TIAM2: variants seen among roughly 807,000 people sequenced by gnomAD.
TIAM2 encodes the protein TIAM Rac1 associated GEF 2.
Under a neutral mutation model 152.9 loss-of-function variants are expected in TIAM2, and 80 were observed. The observed-to-expected ratio is 0.52, with a 90% CI of 0.44 to 0.63. The LOEUF (loss-of-function observed/expected upper bound fraction) is 0.63. TIAM2 is among the 30% of genes least tolerant of loss of function. TIAM2 has a pLI of 0.00. For missense variants in TIAM2, 1,965 were observed against 2,120.1 expected (o/e 0.93, Z 1.44); for synonymous variants, 804 against 838.0 (o/e 0.96, Z 0.70).
At chr6:155,097,898 T>C (rs118036110) in intron 2 of TIAM2, among the ~76,000 whole-genome samples, 1,764 of 152,326 alleles carry the variant, frequency 0.012, 18 homozygotes, top group Middle Eastern at 0.058. Context: ...CCCAGCACCA[T>C]TTATTGAAGA....
chr6:155,088,355 A>G (rs2114976246), intron 1 of TIAM2, among the ~76,000 whole-genome samples: 1 of 152,300 alleles, frequency 6.6e-6, no homozygotes, highest in African/African-American at 2.4e-5. Flanking sequence ...TGCTGGGATT[A>G]CAGGCGTGAG....
chr6:155,121,470 G>A lies in TIAM2; in HGVS notation c.-117-6020G>A, dbSNP rs55827757. Among the ~76,000 whole-genome samples the A allele has an allele frequency of 2.4e-3, 368 of 152,304 alleles. 1 individual carries two copies. Among genetic ancestry groups the A allele is most frequent in the Admixed American group, 7.0e-3 (107 of 15,300 alleles). ...AAAAGAAATTCAGAAAGCTTGAGCA[G>A]TTTGCCCAAAGTCTCACATGCTGTT... On this transcript the variant is annotated intron_variant, in intron 2 of 26. Transcript: ENST00000682666.
At chr6:155,197,758 C>A (rs1415768739) in intron 14 of TIAM2, among the ~76,000 whole-genome samples, 1 of 152,084 alleles carries the variant, frequency 6.6e-6, no homozygotes, top group African/African-American at 2.4e-5. Context: ...GTGAAACCAT[C>A]AGATCTCGTT....
At chr6:155,164,287 G>T in intron 7 of TIAM2, 128 bp from the exon 8 acceptor site, 1 of 803,416 alleles carries the variant, frequency 1.2e-6, no homozygotes, top group East Asian at 2.7e-5. Context: ...AGCAGGAAAG[G>T]CTAATTTAAA....
At chr6:155,216,921 C>T (rs912390333) in intron 15 of TIAM2, 2 of 1,195,740 alleles carry the variant, frequency 1.7e-6, no homozygotes, top group African/African-American at 1.6e-5. Flanking sequence ...GGCGCTAGGA[C>T]GTCCTTGTGA....
intron 1 of TIAM2, among the ~76,000 whole-genome samples, chr6:155,066,318 C>T (rs113010956): frequency 0.012 from 1,764 of 152,288 alleles, 42 homozygotes; most frequent in African/African-American, 0.041. Context: ...TCATCTCTGT[C>T]AGGCTCTTGT....
chr6:155,023,991 C>T (rs1776548259), intron 1 of TIAM2, among the ~76,000 whole-genome samples: 1 of 152,118 alleles, frequency 6.6e-6, no homozygotes, highest in African/African-American at 2.4e-5. Context: ...CCAGACACTT[C>T]ATCAACATCC....
chr6:155,242,788 T>G, intron 16 of TIAM2, among the ~76,000 whole-genome samples: 1 of 152,128 alleles, frequency 6.6e-6, no homozygotes, highest in Non-Finnish European at 1.5e-5. Context: ...CAGGCTGGAG[T>G]GCAGTGGCAT....
At chr6:155,164,134 T>G (rs931646313) in intron 7 of TIAM2, among the ~76,000 whole-genome samples, 4 of 22,860 alleles carry the variant, frequency 1.7e-4, no homozygotes, top group African/African-American at 4.8e-4. Context: ...AATTTTTGTG[T>G]TTTTTTTTTT....
At chr6:155,247,969 CT>C in intron 19 of TIAM2, 30 bp from the exon 20 acceptor site, 1 of 1,607,368 alleles carries the variant, frequency 6.2e-7, no homozygotes, top group Non-Finnish European at 8.5e-7. Context: ...CCACTGTGCT[CT>C]TCTGAGGTCT....
At chr6:155,026,217 G>A (rs1051196008) in intron 1 of TIAM2, among the ~76,000 whole-genome samples, 1 of 152,092 alleles carries the variant, frequency 6.6e-6, no homozygotes, top group African/African-American at 2.4e-5. Context: ...TAAGACCTGG[G>A]TAAGCTGTCA....
chr6:155,074,244 A>G (rs1012853907), intron 1 of TIAM2, among the ~76,000 whole-genome samples: 1 of 152,212 alleles, frequency 6.6e-6, no homozygotes, highest in Non-Finnish European at 1.5e-5. Flanking sequence ...GTTAACTTCT[A>G]AAGTTTTCCT....
intron 15 of TIAM2, among the ~76,000 whole-genome samples, chr6:155,226,460 A>G (rs1301888823): frequency 6.6e-6 from 1 of 152,170 alleles, no homozygotes; most frequent in African/African-American, 2.4e-5. Flanking sequence ...ACTTGAGGTC[A>G]GGAGTTTGAG....
rs1783854312 is a variant in TIAM2, at chr6:155,254,143, C to G, written c.4313+83C>G. 2.1e-6 allele frequency: 3 copies of G among 1,437,522 alleles called. No individual in the cohort carries two copies. The African/African-American group carries it at 4.3e-5, about 21-fold the overall frequency. The allele number at this position is 1,437,522 out of a possible 1,614,324, so 89.0% of individuals were successfully genotyped here. A position where few individuals can be genotyped will look rare whatever the true frequency, so the allele number is the denominator to read the frequency against. ...AAGGGAATTTATATTTAGTGCCCTC[C>G]TGAATTTTGATGATATCAGGGTCAT... On this transcript the variant is annotated intron_variant, in intron 25 of 26. Coordinates refer to ENST00000682666, the MANE Select transcript of TIAM2 (RefSeq NM_012454.4).
rs1018780953 is a variant in TIAM2, at chr6:155,240,383, T to C, written c.3169-147T>C. The C allele has an allele frequency of 2.5e-5, 18 of 722,736 alleles. No homozygotes were observed. The South Asian group carries it at 2.5e-4, about 10-fold the overall frequency. The allele number at this position is 722,736 out of a possible 1,614,324, so 44.8% of individuals were successfully genotyped here. A position where few individuals can be genotyped will look rare whatever the true frequency, so the allele number is the denominator to read the frequency against. Reference sequence around the variant, plus strand: ...GATCCGAAATGATAGCCAGAGGGGTTTGAGGTGAATGAAACCCTTTGCCCT... The same window carrying C: ...GATCCGAAATGATAGCCAGAGGGGTCTGAGGTGAATGAAACCCTTTGCCCT... On this transcript the variant is annotated intron_variant, in intron 15 of 26. Transcript: ENST00000682666.
At chr6:155,111,722 C>A (rs1456803531) in intron 2 of TIAM2, among the ~76,000 whole-genome samples, 1 of 152,198 alleles carries the variant, frequency 6.6e-6, no homozygotes. Flanking sequence ...TCTCTCTGCA[C>A]CACATCACAT....
chr6:155,091,609 C>T (rs972653109), intron 2 of TIAM2, among the ~76,000 whole-genome samples: 2 of 152,120 alleles, frequency 1.3e-5, no homozygotes, highest in Admixed American at 6.5e-5. Flanking sequence ...TATCTAATAT[C>T]TCTGGGTTTA....
chr6:155,172,682 A>T (rs1404827179), intron 9 of TIAM2, among the ~76,000 whole-genome samples: 498 of 12,980 alleles, frequency 0.038, 23 homozygotes, highest in African/African-American at 0.046. Context: ...ATATATATAT[A>T]TATATTTTTT....
chr6:155,017,755 G>T (rs9397761), intron 1 of TIAM2, among the ~76,000 whole-genome samples: 16,514 of 151,786 alleles, frequency 0.11, 1,030 homozygotes, highest in East Asian at 0.29. Flanking sequence ...CACCTGCCTC[G>T]GCCTCCCAAA....
Sources: gnomAD v4.1 joint callset for allele counts (sites outside exome capture counted in the v4.1 genomes callset) on GRCh38, gnomAD v4.1.1 for gene constraint, MANE v1.5 for transcripts, NCBI Gene and HGNC (gene_info 2026-07-23, HGNC 2026-07-21) for gene names.